UBE2J2: variants seen among roughly 807,000 people sequenced by gnomAD.
UBE2J2 encodes the protein ubiquitin conjugating enzyme E2 J2.
A neutral mutation model predicts 28.6 loss-of-function variants in UBE2J2; 5 were observed. The ratio of observed to expected loss-of-function variants is 0.17; its 90% CI spans 0.09 to 0.37. The LOEUF (loss-of-function observed/expected upper bound fraction) is 0.37, where lower values mean the gene tolerates loss of function less well. Among genes scored for constraint, UBE2J2 ranks in the 10% least tolerant of loss-of-function variants. The pLI, the probability that UBE2J2 is intolerant of heterozygous loss-of-function variation, is 1.00. For synonymous variants in UBE2J2, 138 were observed against 139.7 expected (o/e 0.99, Z 0.09); for missense variants, 226 against 338.9 (o/e 0.67, Z 2.62).
chr1:1,265,440 T>C (rs1459433212), intron 2 of UBE2J2, among the ~76,000 whole-genome samples: 2 of 152,148 alleles, frequency 1.3e-5, no homozygotes, highest in Non-Finnish European at 2.9e-5. Context: ...AATGTTTTAG[T>C]TTCCAATGAG....
chr1:1,261,766 C>G (rs1639575795), intron 3 of UBE2J2, among the ~76,000 whole-genome samples: 1 of 151,640 alleles, frequency 6.6e-6, no homozygotes, highest in Non-Finnish European at 1.5e-5. Context: ...CCTGCCTCAG[C>G]CTCCTGAGTA....
intron 3 of UBE2J2, among the ~76,000 whole-genome samples, chr1:1,258,353 T>G (rs1259853010): frequency 6.6e-6 from 1 of 152,116 alleles, no homozygotes; most frequent in Non-Finnish European, 1.5e-5. Flanking sequence ...ACCACTGGTT[T>G]CTGACCACCC....
In UBE2J2 at chr1:1,257,245, T is replaced by C; in HGVS notation, c.238A>G (p.Met80Val). 4 of 1,613,160 alleles carry C rather than the reference T, an allele frequency of 2.5e-6. No homozygotes were observed. Among genetic ancestry groups the C allele is most frequent in the Non-Finnish European group, 3.4e-6 (4 of 1,179,700 alleles). Residue 80 changes from methionine (M) to valine (V), a missense_variant, in exon 4 of 7, where the codon ATG becomes GTG. Coordinates refer to ENST00000349431, the MANE Select transcript of UBE2J2 (RefSeq NM_058167.3). ...EFPFKPPSIYMITPNGRFKCN... is the reference protein window; with the variant it reads ...EFPFKPPSIYVITPNGRFKCN... ...TTAAACCTCCCGTTGGGAGTGATCATATAGATACTGGGAGGTTTGAAAGGA... is the reference window on the plus strand; with the variant it reads ...TTAAACCTCCCGTTGGGAGTGATCACATAGATACTGGGAGGTTTGAAAGGA...
chr1:1,261,289 A>G lies in UBE2J2; in HGVS notation c.172+2057T>C, dbSNP rs539589995. ...AATGGGAGGGGCAGTAGGAACACAC[A>G]TTCTCTCTCTGAAGGGAGGCTTTCC... On this transcript the variant is annotated intron_variant, in intron 3 of 6. Transcript: ENST00000349431. Among the ~76,000 whole-genome samples, 14 of 152,304 alleles carry G rather than the reference A, an allele frequency of 9.2e-5. No individual in the cohort carries two copies. In the East Asian group the frequency reaches 2.7e-3, roughly 29 times the overall value.
chr1:1,256,990 A>T lies in UBE2J2; in HGVS notation c.414+2T>A, dbSNP rs745948787. ...CCACCAGGGAGAGGCTCTAAAACTTACCGTGAAGTCCGACGTCTCTATACT... is the reference window on the plus strand; with the variant it reads ...CCACCAGGGAGAGGCTCTAAAACTTTCCGTGAAGTCCGACGTCTCTATACT... On this transcript the variant is annotated splice_donor_variant, in intron 5 of 6. Coordinates refer to ENST00000349431, the MANE Select transcript of UBE2J2 (RefSeq NM_058167.3). LOFTEE classifies it high-confidence loss of function. The T allele has an allele frequency of 6.5e-7, 1 of 1,542,960 alleles. No individual in the cohort carries two copies. The highest frequency in any genetic ancestry group is 2.0e-5 in the Admixed American group (1 of 50,098).
chr1:1,260,656 C>T (rs549324016), intron 3 of UBE2J2, among the ~76,000 whole-genome samples: 3 of 152,214 alleles, frequency 2.0e-5, no homozygotes, highest in African/African-American at 7.2e-5. Flanking sequence ...GCTTGAACAT[C>T]CCCACACCCC....
intron 5 of UBE2J2, among the ~76,000 whole-genome samples, chr1:1,256,705 C>T (rs1376274007): frequency 2.6e-5 from 4 of 151,948 alleles, no homozygotes; most frequent in African/African-American, 7.3e-5. Context: ...CACGGTGAAA[C>T]CCCGTCTCTA....
At chr1:1,256,697 C>G (rs1462619538) in intron 5 of UBE2J2, among the ~76,000 whole-genome samples, 1 of 151,682 alleles carries the variant, frequency 6.6e-6, no homozygotes, top group Non-Finnish European at 1.5e-5. Context: ...CTGGTTAACA[C>G]GGTGAAACCC....
chr1:1,264,039 T>C (rs984018086), intron 2 of UBE2J2, among the ~76,000 whole-genome samples: 3 of 152,212 alleles, frequency 2.0e-5, no homozygotes, highest in Non-Finnish European at 4.4e-5. Flanking sequence ...AATGTACTTA[T>C]ATATAATGTG....
Position 1,255,229 on chromosome 1 carries a change from C to T in UBE2J2, c.754G>A (p.Val252Met). ...CACTCCTGCGCGATGCTCCTCAGCA[C>T]GTACTTGACCGTGTAAGCAAAGGCT... The part of the protein sequence containing the change: ...FAAFAYTVKY[V>M]LRSIAQE Residue 252 changes from valine to methionine, a missense_variant, in exon 7 of 7, where the codon GTG (valine) becomes ATG (methionine). Coordinates refer to ENST00000349431, the MANE Select transcript of UBE2J2 (RefSeq NM_058167.3). 1.2e-6 allele frequency: 2 copies of T among 1,608,828 alleles called. No homozygotes were observed. The highest frequency in any genetic ancestry group is 1.7e-6 in the Non-Finnish European group (2 of 1,176,488).
chr1:1,270,483 T>A (rs1405013594), intron 1 of UBE2J2, among the ~76,000 whole-genome samples: 4 of 152,170 alleles, frequency 2.6e-5, no homozygotes, highest in Non-Finnish European at 5.9e-5. Flanking sequence ...CCCAAATGTG[T>A]GGCCTCAGCA....
At position 1,255,295 on chromosome 1, in the gene UBE2J2, C is replaced by T; in HGVS notation, c.688G>A (p.Gly230Ser). ...ACAAACAAGTTCGCCAGGGCGCCACCCAGGAGTCCGTGGTGCCGGTTGGCC... is the reference window on the plus strand; with the variant it reads ...ACAAACAAGTTCGCCAGGGCGCCACTCAGGAGTCCGTGGTGCCGGTTGGCC... ...QQANRHHGLL[G>S]GALANLFVIV... is the part of the protein sequence containing the mutation. Residue 230 changes from glycine (G) to serine (S), a missense_variant, in exon 7 of 7, where the codon GGT becomes AGT. By Grantham distance (56) the Gly-to-Ser change is moderately conservative (BLOSUM62 0). Coordinates refer to ENST00000349431, the MANE Select transcript of UBE2J2 (RefSeq NM_058167.3). 1 of 1,613,668 alleles carries T rather than the reference C, an allele frequency of 6.2e-7. No homozygotes were observed. Among genetic ancestry groups the T allele is most frequent in the Non-Finnish European group, 8.5e-7 (1 of 1,179,966 alleles).
chr1:1,260,249 C>T (rs1271593105), intron 3 of UBE2J2, among the ~76,000 whole-genome samples: 1 of 152,200 alleles, frequency 6.6e-6, no homozygotes, highest in Non-Finnish European at 1.5e-5. Flanking sequence ...CACAAGAGAT[C>T]ATAAGGAAAG....
rs189426390 is a variant in UBE2J2, at chr1:1,253,989, A to T, written c.*1214T>A. 1.3e-5 allele frequency: 2 copies of T among 152,366 alleles called. No homozygotes were observed. Among genetic ancestry groups the T allele is most frequent in the Admixed American group, 1.3e-4 (2 of 15,306 alleles). 9.4% of individuals were successfully genotyped at this position (152,366 alleles called of 1,614,324 possible). The stretch of plus-strand genomic sequence containing the variant: ...AATACATACAATTGGTAAATTATAG[A>T]GCAATTCTGAATAAACTGATCAAAA... On this transcript the variant is annotated 3_prime_UTR_variant, in exon 7 of 7. Transcript: ENST00000349431.
rs1570579034 is a variant in UBE2J2, at chr1:1,268,866, G to GTA, written c.1-875_1-874insTA. ...CTAATTTTTTTTTTTTTGTAGAGCT[G>GTA]GGATCTCACTATGTTGCCCAAGGTG... is the stretch of plus-strand genomic sequence containing the variant. On this transcript the variant is annotated intron_variant, in intron 1 of 6. Transcript: ENST00000349431. The surrounding 1 kb of genome is among the most constrained non-coding windows in gnomAD (Gnocchi z 4.7). Among the ~76,000 whole-genome samples, 1 of 151,040 alleles carries GTA rather than the reference G, an allele frequency of 6.6e-6. No homozygotes were observed. Among genetic ancestry groups the GTA allele is most frequent in the Non-Finnish European group, 1.5e-5 (1 of 67,800 alleles).
At chr1:1,257,433 T>C in intron 3 of UBE2J2, 123 bp from the exon 4 acceptor site, 1 of 494,310 alleles carries the variant, frequency 2.0e-6, no homozygotes, top group Non-Finnish European at 3.4e-6. Flanking sequence ...GAGTCCTCAT[T>C]GCACTCTCCG....
Position 1,253,918 on chromosome 1 carries a change from A to T in UBE2J2, c.*1285T>A, listed in dbSNP as rs1015278511. ...AGACACAAGCAGCATGAAATTCAGA[A>T]ATAAAGATATAATGAAAGACCTTTT... On this transcript the variant is annotated 3_prime_UTR_variant, in exon 7 of 7. Coordinates refer to ENST00000349431, the MANE Select transcript of UBE2J2 (RefSeq NM_058167.3). The T allele has an allele frequency of 1.3e-5, 2 of 152,260 alleles. No homozygotes were observed. Among genetic ancestry groups the T allele is most frequent in the African/African-American group, 4.8e-5 (2 of 41,464 alleles). 9.4% of individuals were successfully genotyped at this position (152,260 alleles called of 1,614,324 possible). A position where few individuals can be genotyped will look rare whatever the true frequency, so the allele number is the denominator to read the frequency against.
Position 1,268,052 on chromosome 1 carries a change from CT to C in UBE2J2, c.1-61del. ...GCAGCGCCGGCCACAGCTCTCTCCCCTGGCGCAGCCCCACTCCCGCCTCTGC... is the reference window on the plus strand; with the variant it reads ...GCAGCGCCGGCCACAGCTCTCTCCCCGGCGCAGCCCCACTCCCGCCTCTGC... On this transcript the variant is annotated intron_variant, in intron 1 of 6. Coordinates refer to ENST00000349431, the MANE Select transcript of UBE2J2 (RefSeq NM_058167.3). The surrounding 1 kb of genome is among the most constrained non-coding windows in gnomAD (Gnocchi z 4.7). The C allele has an allele frequency of 1.3e-6, 2 of 1,594,180 alleles. No homozygotes were observed. The highest frequency in any genetic ancestry group is 2.7e-5 in the African/African-American group (2 of 74,704).
intron 2 of UBE2J2, among the ~76,000 whole-genome samples, chr1:1,265,650 G>T (rs899306442): frequency 1.4e-5 from 1 of 71,754 alleles, no homozygotes; most frequent in Non-Finnish European, 3.1e-5. Context: ...TGTGTGTGTG[G>T]TGGAGTCTCA....
Sources: allele counts gnomAD v4.1 joint callset (sites outside exome capture counted in the v4.1 genomes callset), GRCh38; gene constraint gnomAD v4.1.1; non-coding constraint Gnocchi (gnomAD v3.1); transcripts MANE v1.5; gene names NCBI Gene and HGNC (gene_info 2026-07-23, HGNC 2026-07-21).